The following CTNNA3 variants were observed in gnomAD, a reference collection of about 807,000 sequenced individuals.
CTNNA3 encodes the protein catenin alpha 3, also known as catenin alpha-3.
A neutral mutation model predicts 95.7 loss-of-function variants in CTNNA3; 76 were observed. That is an observed-to-expected ratio of 0.79 (90% CI 0.66 to 0.96). The LOEUF is 0.96. Ranked by LOEUF, CTNNA3 falls within the 40% of genes least tolerant of loss-of-function variation. The pLI is 0.00. For synonymous variants in CTNNA3, 431 were observed against 374.4 expected, an observed-to-expected ratio of 1.15 and a Z score of -1.74; for missense variants, 1,191 against 1,089.8, an observed-to-expected ratio of 1.09 and a Z score of -1.31.
intron 4 of CTNNA3, 122 bp from the exon 5 acceptor site, chr10:67,522,083 C>T: frequency 9.1e-6 from 8 of 881,568 alleles, no homozygotes; most frequent in Non-Finnish European, 1.4e-5. Context: ...ACAGTGATAA[C>T]AAATGCTAGC....
chr10:66,729,948 CA>C (rs993825751), intron 9 of CTNNA3, among the ~76,000 whole-genome samples: 1 of 149,564 alleles, frequency 6.7e-6, no homozygotes, highest in East Asian at 2.0e-4. Flanking sequence ...ACTAAAAATA[CA>C]AAAAAAATTA....
At chr10:66,959,979 G>T (rs970382509) in intron 7 of CTNNA3, among the ~76,000 whole-genome samples, 4 of 152,056 alleles carry the variant, frequency 2.6e-5, no homozygotes, top group Non-Finnish European at 5.9e-5. Context: ...CTGCTACAAG[G>T]CTAGTCTGTA....
At chr10:66,486,025 A>G (rs1839714010) in intron 11 of CTNNA3, among the ~76,000 whole-genome samples, 1 of 152,196 alleles carries the variant, frequency 6.6e-6, no homozygotes, top group South Asian at 2.1e-4. Flanking sequence ...GCAGAAGAAT[A>G]CAATTAGGCC....
intron 5 of CTNNA3, among the ~76,000 whole-genome samples, chr10:67,317,256 C>T (rs572396950): frequency 1.0e-3 from 157 of 151,674 alleles, no homozygotes; most frequent in African/African-American, 3.6e-3. Context: ...TACATGTGCA[C>T]AACATGCAGG....
chr10:66,997,573 A>G (rs181625919), intron 7 of CTNNA3, among the ~76,000 whole-genome samples: 156 of 152,308 alleles, frequency 1.0e-3, no homozygotes, highest in African/African-American at 3.5e-3. Flanking sequence ...TATTCATGTA[A>G]CTAAATACTC....
chr10:66,418,228 G>A (rs2093162529), intron 11 of CTNNA3, among the ~76,000 whole-genome samples: 1 of 151,052 alleles, frequency 6.6e-6, no homozygotes, highest in African/African-American at 2.4e-5. Flanking sequence ...GATCATCAGA[G>A]ACTATCACGG....
chr10:66,947,993 T>C (rs1036291178), intron 7 of CTNNA3, among the ~76,000 whole-genome samples: 2 of 152,248 alleles, frequency 1.3e-5, no homozygotes, highest in Non-Finnish European at 2.9e-5. Flanking sequence ...CTTACTTGTA[T>C]AGCAAGTTAC....
chr10:67,269,631 T>A (rs1174674295), intron 5 of CTNNA3, among the ~76,000 whole-genome samples: 1 of 152,172 alleles, frequency 6.6e-6, no homozygotes, highest in Non-Finnish European at 1.5e-5. Context: ...CCCTTACTTA[T>A]TTCCAAACAA....
chr10:66,069,553 T>C (rs2080387587), intron 14 of CTNNA3, 64 bp from the exon 15 acceptor site: 7 of 1,216,056 alleles, frequency 5.8e-6, no homozygotes, highest in Non-Finnish European at 8.1e-6. Context: ...TAGGAATAAG[T>C]AGATATTATA....
In CTNNA3 at chr10:67,564,677, GTATATATATATATA is replaced by G. The variant is rs71006151; in HGVS notation, c.293-25022_293-25009del. ...TATATGCATATATGTGTGTGTGTGT[GTATATATATATATA>G]TATATATATATATATATATATATAT... On this transcript the variant is annotated intron_variant, in intron 3 of 17. Coordinates refer to ENST00000433211, the MANE Select transcript of CTNNA3 (RefSeq NM_013266.4). Among the ~76,000 whole-genome samples the G allele has an allele frequency of 9.3e-4, 57 of 61,312 alleles. 1 individual carries two copies. The highest frequency in any genetic ancestry group is 2.1e-3 in the South Asian group (3 of 1,454). The allele number at this position is 61,312 out of a possible 152,430, so 40.2% of individuals were successfully genotyped here.
At chr10:66,505,158 T>G (rs1840407870) in intron 11 of CTNNA3, among the ~76,000 whole-genome samples, 1 of 152,182 alleles carries the variant, frequency 6.6e-6, no homozygotes, top group Non-Finnish European at 1.5e-5. Context: ...TGCAGTCTAC[T>G]TATTGTTTAT....
intron 15 of CTNNA3, among the ~76,000 whole-genome samples, chr10:66,059,431 G>T (rs2080151407): frequency 6.6e-6 from 1 of 152,030 alleles, no homozygotes; most frequent in African/African-American, 2.4e-5. Context: ...GTAGACTCAG[G>T]TATAAAAACC....
chr10:67,365,083 T>C (rs1183550778), intron 5 of CTNNA3, among the ~76,000 whole-genome samples: 4 of 152,066 alleles, frequency 2.6e-5, no homozygotes, highest in Non-Finnish European at 5.9e-5. Flanking sequence ...CATCTACAAC[T>C]ATCTAATCTT....
At chr10:66,737,949 G>A (rs969551359) in intron 9 of CTNNA3, among the ~76,000 whole-genome samples, 3 of 152,092 alleles carry the variant, frequency 2.0e-5, no homozygotes, top group Admixed American at 6.6e-5. Context: ...GAGCCATCGC[G>A]CCCGGCCAAA....
At chr10:67,748,839 G>A (rs1841386906) in intron 1 of CTNNA3, among the ~76,000 whole-genome samples, 1 of 152,144 alleles carries the variant, frequency 6.6e-6, no homozygotes, top group East Asian at 1.9e-4. Context: ...GAATTGGTGT[G>A]CTGTCTTCAA....
intron 7 of CTNNA3, among the ~76,000 whole-genome samples, chr10:66,968,359 T>A (rs115525844): frequency 0.026 from 3,836 of 149,344 alleles, 155 homozygotes; most frequent in African/African-American, 0.089. Flanking sequence ...TATATATATA[T>A]AAAACACATC....
chr10:66,824,795 A>T (rs554909993), intron 7 of CTNNA3, among the ~76,000 whole-genome samples: 1 of 152,260 alleles, frequency 6.6e-6, no homozygotes, highest in South Asian at 2.1e-4. Context: ...CCGTCTAAAG[A>T]ACCTAAGGAG....
intron 11 of CTNNA3, among the ~76,000 whole-genome samples, chr10:66,497,235 T>C (rs4497280): frequency 0.045 from 6,911 of 152,010 alleles, 474 homozygotes; most frequent in East Asian, 0.32. Context: ...GAAGAAAATA[T>C]ATAAAAATAA....
At chr10:66,194,670 G>T (rs1460038494) in intron 13 of CTNNA3, among the ~76,000 whole-genome samples, 1 of 152,154 alleles carries the variant, frequency 6.6e-6, no homozygotes, top group Non-Finnish European at 1.5e-5. Flanking sequence ...ATATGGAAAA[G>T]GACAATATCG....
Sources: gnomAD v4.1 joint callset for allele counts (sites outside exome capture counted in the v4.1 genomes callset) on GRCh38, gnomAD v4.1.1 for gene constraint, MANE v1.5 for transcripts, NCBI Gene and HGNC (gene_info 2026-07-23, HGNC 2026-07-21) for gene names.